The following IGSF10 variants were observed in gnomAD, a reference collection of about 807,000 sequenced individuals.
IGSF10 encodes calvaria mechanical force protein 608.
A neutral mutation model predicts 128.2 loss-of-function variants in IGSF10; 126 were observed. That is an observed-to-expected ratio of 0.98 (90% confidence interval 0.85 to 1.14). The LOEUF is 1.14. IGSF10 is among the 50% of genes most tolerant of loss of function. The pLI is 0.00. For missense variants in IGSF10, 3,295 were observed against 3,149.8 expected (o/e 1.05, Z -1.10); for synonymous variants, 1,185 against 1,146.2 (o/e 1.03, Z -0.68).
In IGSF10 at chr3:151,437,400, C is replaced by CTGA. The variant is rs773119765; in HGVS notation, c.7158_7160dup (p.Tyr2386_Gln2387insHis). 1.2e-6 allele frequency: 2 copies of CTGA among 1,614,188 alleles called. No individual in the cohort carries two copies. Among genetic ancestry groups the CTGA allele is most frequent in the Admixed American group, 1.7e-5 (1 of 60,030 alleles). On this transcript the variant is annotated inframe_insertion, in exon 8 of 8. Transcript: ENST00000282466. ...AAGAACCATTGCTTGCTATCAGATA[C>CTGA]TGATAACTTTGTGGTCCATTGGAAA...
chr3:151,589,985 T>G, the IGSF10 span, among the ~76,000 whole-genome samples: 2 of 152,002 alleles, frequency 1.3e-5, no homozygotes, highest in Non-Finnish European at 2.9e-5. Context: ...AATAAAAAAT[T>G]ATTGGAAACT....
the IGSF10 span, among the ~76,000 whole-genome samples, chr3:151,530,324 AG>A: frequency 6.6e-6 from 1 of 152,178 alleles, no homozygotes; most frequent in Non-Finnish European, 1.5e-5. Context: ...TCCCCAACCT[AG>A]CAAGGTAGGC....
In IGSF10 at chr3:151,443,429, C is replaced by A; in HGVS notation, c.5518G>T (p.Ala1840Ser). 1 of 1,614,206 alleles carries A rather than the reference C, an allele frequency of 6.2e-7. No homozygotes were observed. The highest frequency in any genetic ancestry group is 2.2e-5 in the East Asian group (1 of 44,892). Reference protein sequence around the residue: ...SLLVKIQVIAAPPVILEQRRQ... With the variant: ...SLLVKIQVIASPPVILEQRRQ... Reference sequence around the variant, plus strand: ...CTTTGCTCTAGAATAACAGGTGGTGCTGCAATGACTTGTATTTTAACCAGC... The same window carrying A: ...CTTTGCTCTAGAATAACAGGTGGTGATGCAATGACTTGTATTTTAACCAGC... The change falls in exon 7 of 8, where the codon GCA becomes TCA. Residue 1840 changes from alanine (A) to serine (S), a missense_variant. Ala to Ser is a moderately conservative substitution (Grantham distance 99, BLOSUM62 1). Coordinates refer to ENST00000282466, the MANE Select transcript of IGSF10 (RefSeq NM_178822.5).
At chr3:151,440,824 C>A in intron 7 of IGSF10, 1 of 313,872 alleles carries the variant, frequency 3.2e-6, no homozygotes, top group Non-Finnish European at 6.5e-6. Context: ...CAAAGAACCA[C>A]TGTTCTAACT....
rs1721386156 is a variant in IGSF10 at position 151,449,145 on chromosome 3, C to T, written c.836G>A (p.Cys279Tyr). ...LAMVSAAAFQ[C>Y]AKPTIDSSLK... ...GGATGAGTCAATGGTTGGCTTGGCA[C>T]ACTGGAAAGCTGCAGCTGAGACCAT... The change falls in exon 6 of 8, where the codon TGT becomes TAT. Residue 279 changes from cysteine (C) to tyrosine (Y), a missense_variant. By Grantham distance (194) the Cys-to-Tyr change is radical (BLOSUM62 -2). Transcript: ENST00000282466. The T allele has an allele frequency of 6.2e-7, 1 of 1,614,048 alleles. No individual in the cohort carries two copies. The highest frequency in any genetic ancestry group is 1.3e-5 in the African/African-American group (1 of 74,902).
chr3:151,618,147 G>A, the IGSF10 span, among the ~76,000 whole-genome samples: 1 of 152,030 alleles, frequency 6.6e-6, no homozygotes, highest in Admixed American at 6.6e-5. Flanking sequence ...TGTAAGAAGA[G>A]ACACAAGAGA....
At chr3:151,598,070 GGTGTGT>G in the IGSF10 span, among the ~76,000 whole-genome samples, 1,670 of 137,746 alleles carry the variant, frequency 0.012, 10 homozygotes, top group Admixed American at 0.036. Context: ...AATGAGTACT[GGTGTGT>G]GTGTGTGTGT....
chr3:151,488,729 T>A, the IGSF10 span, among the ~76,000 whole-genome samples: 1 of 152,166 alleles, frequency 6.6e-6, no homozygotes, highest in Non-Finnish European at 1.5e-5. Flanking sequence ...GGGGAAAGGA[T>A]TCCTTATTTA....
At position 151,436,824 on chromosome 3, in the gene IGSF10, A is replaced by C; in HGVS notation, c.7737T>G (p.His2579Gln). The C allele has an allele frequency of 6.2e-7, 1 of 1,614,130 alleles. No individual in the cohort carries two copies. The highest frequency in any genetic ancestry group is 8.5e-7 in the Non-Finnish European group (1 of 1,180,012). Residue 2579 changes from histidine to glutamine, a missense_variant, in exon 8 of 8, where the codon CAT becomes CAG. Coordinates refer to ENST00000282466, the MANE Select transcript of IGSF10 (RefSeq NM_178822.5). Reference protein sequence around the residue: ...LLSTASKERTHGSEQLHLQGT... With the variant: ...LLSTASKERTQGSEQLHLQGT... The stretch of plus-strand genomic sequence containing the variant: ...CTTGTAAGTGAAGCTGCTCACTTCC[A>C]TGTGTCCTCTCTTTACTTGCCGTTG...
the IGSF10 span, among the ~76,000 whole-genome samples, chr3:151,559,843 G>A: frequency 1.3e-5 from 2 of 152,216 alleles, no homozygotes; most frequent in African/African-American, 2.4e-5. Context: ...GACTTTACAT[G>A]GGTTCTTAGG....
rs1386118764 is a variant in IGSF10, at chr3:151,437,283, T to C, written c.7278A>G (p.Leu2426=). The C allele has an allele frequency of 6.2e-7, 1 of 1,614,214 alleles. No individual in the cohort carries two copies. Among genetic ancestry groups the C allele is most frequent in the Non-Finnish European group, 8.5e-7 (1 of 1,180,032 alleles). ...KVGYIEKLVI[L]EIGQKPVILT... Reference sequence around the variant, plus strand: ...GAATAACTGGCTTCTGGCCAATTTCTAATATGACTAATTTCTCAATATAGC... The same window carrying C: ...GAATAACTGGCTTCTGGCCAATTTCCAATATGACTAATTTCTCAATATAGC... The change falls in exon 8 of 8, where the codon TTA becomes TTG. Residue 2426 remains leucine (L), a synonymous_variant. Coordinates refer to ENST00000282466, the MANE Select transcript of IGSF10 (RefSeq NM_178822.5).
chr3:151,610,170 G>C, the IGSF10 span, among the ~76,000 whole-genome samples: 1 of 152,130 alleles, frequency 6.6e-6, no homozygotes, highest in Non-Finnish European at 1.5e-5. Flanking sequence ...GGTGGAAGGA[G>C]AGCATTGGTA....
the IGSF10 span, among the ~76,000 whole-genome samples, chr3:151,496,735 A>T: frequency 1.3e-5 from 2 of 151,866 alleles, no homozygotes; most frequent in African/African-American, 4.8e-5. Flanking sequence ...CTAGTTCTAG[A>T]TCCCTGAGGA....
the IGSF10 span, among the ~76,000 whole-genome samples, chr3:151,503,020 T>G: frequency 6.6e-6 from 1 of 152,040 alleles, no homozygotes; most frequent in Non-Finnish European, 1.5e-5. Context: ...CCATCATCAC[T>G]CTCAGAGTAA....
the IGSF10 span, among the ~76,000 whole-genome samples, chr3:151,534,036 G>T: frequency 6.6e-6 from 1 of 152,164 alleles, no homozygotes; most frequent in Non-Finnish European, 1.5e-5. Context: ...CATTTATGCA[G>T]TCAACAAACA....
At chr3:151,455,266 C>G (rs547430574) in intron 4 of IGSF10, among the ~76,000 whole-genome samples, 1 of 151,764 alleles carries the variant, frequency 6.6e-6, no homozygotes, top group Non-Finnish European at 1.5e-5. Context: ...TGTGCCACCA[C>G]GCCTGGCTAA....
chr3:151,479,871 T>C, the IGSF10 span, among the ~76,000 whole-genome samples: 1 of 152,152 alleles, frequency 6.6e-6, no homozygotes, highest in Non-Finnish European at 1.5e-5. Context: ...TCTAGTCTTA[T>C]ACCAGGCAGT....
upstream of IGSF10, among the ~76,000 whole-genome samples, chr3:151,463,523 GTTTTTTTTTTTTTTTTT>G (rs745415781): frequency 1.3e-4 from 4 of 31,290 alleles, no homozygotes; most frequent in African/African-American, 2.4e-4. Context: ...ACATTTTCTG[GTTTTTTTTTTTTTTTTT>G]TTTTTTTTTT....
chr3:151,483,342 G>T, the IGSF10 span, among the ~76,000 whole-genome samples: 1 of 152,036 alleles, frequency 6.6e-6, no homozygotes, highest in Admixed American at 6.5e-5. Flanking sequence ...ATGTGACAGA[G>T]TTATTTTTAG....
Sources: allele counts gnomAD v4.1 joint callset (sites outside exome capture counted in the v4.1 genomes callset), GRCh38; gene constraint gnomAD v4.1.1; transcripts MANE v1.5; gene names NCBI Gene and HGNC (gene_info 2026-07-23, HGNC 2026-07-21).